PCDHA4: variants seen among roughly 807,000 people sequenced by gnomAD.
PCDHA4 encodes protocadherin alpha 4, also known as protocadherin alpha-4.
Under a neutral mutation model 61.4 loss-of-function variants are expected in PCDHA4, and 49 were observed. That is an observed-to-expected ratio of 0.80 (90% CI 0.63 to 1.01). The LOEUF (loss-of-function observed/expected upper bound fraction) is 1.01, where lower values mean the gene tolerates loss of function less well. PCDHA4 is among the 50% of genes least tolerant of loss of function. The pLI, the probability that PCDHA4 is intolerant of heterozygous loss-of-function variation, is 0.00. For missense variants in PCDHA4, 1,254 were observed against 1,235.8 expected, an observed-to-expected ratio of 1.01 and a Z score of -0.22; for synonymous variants, 590 against 550.3, an observed-to-expected ratio of 1.07 and a Z score of -1.01.
At chr5:141,000,900 G>T (rs1020896392) in intron 3 of PCDHA4, among the ~76,000 whole-genome samples, 4 of 151,614 alleles carry the variant, frequency 2.6e-5, no homozygotes, top group African/African-American at 9.7e-5. Context: ...AGATATAGAC[G>T]CTGTCTCTAA....
At chr5:140,997,566 T>G (rs1366934494) in intron 3 of PCDHA4, among the ~76,000 whole-genome samples, 1 of 152,208 alleles carries the variant, frequency 6.6e-6, no homozygotes, top group Non-Finnish European at 1.5e-5. Context: ...AACTGTCATA[T>G]GTGTGGTCCG....
At chr5:140,847,774 C>T (rs1554141905) in intron 1 of PCDHA4, 2 of 149,772 alleles carry the variant, frequency 1.3e-5, no homozygotes, top group East Asian at 3.9e-4. Context: ...AGTCAATTCT[C>T]GCTTTTCTTG....
Position 140,993,460 on chromosome 5 carries a change from T to TCC in PCDHA4, c.2533+10898_2533+10899insCC, listed in dbSNP as rs1554253699. ...TTCATTCCTGTTCTCCTTCTTTCTT[T>TCC]CTCACACACACACACACACACACAC... On this transcript the variant is annotated intron_variant, in intron 3 of 3. Coordinates refer to ENST00000530339, the MANE Select transcript of PCDHA4 (RefSeq NM_018907.4). Among the ~76,000 whole-genome samples, 535 of 104,558 alleles carry TCC rather than the reference T, an allele frequency of 5.1e-3. 5 individuals carry two copies. Among genetic ancestry groups the TCC allele is most frequent in the African/African-American group, 0.02 (517 of 25,554 alleles). The allele number at this position is 104,558 out of a possible 152,430, so 68.6% of individuals were successfully genotyped here. A position where few individuals can be genotyped will look rare whatever the true frequency, so the allele number is the denominator to read the frequency against.
chr5:140,978,175 G>A (rs1163383689), intron 1 of PCDHA4, among the ~76,000 whole-genome samples: 1 of 152,170 alleles, frequency 6.6e-6, no homozygotes, highest in Admixed American at 6.5e-5. Context: ...TTTGTAGAGA[G>A]AGGGCAACAG....
chr5:140,843,354 C>G, intron 1 of PCDHA4: 1 of 1,596,098 alleles, frequency 6.3e-7, no homozygotes, highest in East Asian at 2.2e-5. Context: ...GCTCCAAAAG[C>G]GTCATCGAGG....
chr5:140,971,642 A>G (rs1586490477), intron 1 of PCDHA4, among the ~76,000 whole-genome samples: 1 of 152,330 alleles, frequency 6.6e-6, no homozygotes, highest in East Asian at 1.9e-4. Flanking sequence ...ATGTGCCTAC[A>G]TTAAAAGTAG....
intron 2 of PCDHA4, among the ~76,000 whole-genome samples, chr5:140,980,920 A>T (rs1040099192): frequency 1.3e-5 from 2 of 152,166 alleles, no homozygotes; most frequent in African/African-American, 4.8e-5. Context: ...TCTTTAAAAA[A>T]TTCTGCTTTG....
chr5:140,829,369 C>G, intron 1 of PCDHA4: 1 of 1,614,202 alleles, frequency 6.2e-7, no homozygotes, highest in Non-Finnish European at 8.5e-7. Flanking sequence ...TGGTGGTAAC[C>G]GCGCGGGACG....
intron 1 of PCDHA4, among the ~76,000 whole-genome samples, chr5:140,923,834 T>G (rs2081542074): frequency 6.6e-6 from 1 of 152,210 alleles, no homozygotes; most frequent in South Asian, 2.1e-4. Flanking sequence ...AGTGGCAGTT[T>G]AAATAGAGAA....
At chr5:140,816,334 G>T (rs1055491269) in intron 1 of PCDHA4, 1 of 152,042 alleles carries the variant, frequency 6.6e-6, no homozygotes, top group African/African-American at 2.4e-5. Flanking sequence ...GTATTCTTCA[G>T]TTCCAAAATT....
chr5:140,986,753 A>C (rs2097211895), intron 3 of PCDHA4, among the ~76,000 whole-genome samples: 1 of 152,236 alleles, frequency 6.6e-6, no homozygotes, highest in Non-Finnish European at 1.5e-5. Flanking sequence ...CTGGGACTAA[A>C]CAGTGAAAGA....
At chr5:140,875,951 C>T in intron 1 of PCDHA4, 1 of 1,614,116 alleles carries the variant, frequency 6.2e-7, no homozygotes, top group South Asian at 1.1e-5. Context: ...GCTTCTGATG[C>T]GGATATCGGC....
intron 1 of PCDHA4, among the ~76,000 whole-genome samples, chr5:140,944,243 A>C (rs1202248629): frequency 2.6e-5 from 4 of 152,208 alleles, no homozygotes; most frequent in Non-Finnish European, 2.9e-5. Context: ...GCTGGAGTGC[A>C]GTGATGTGAT....
At chr5:140,854,296 G>T in intron 1 of PCDHA4, 4 of 437,926 alleles carry the variant, frequency 9.1e-6, no homozygotes, top group Non-Finnish European at 1.2e-5. Context: ...TTATTATTTT[G>T]TGCGTGGAGA....
At chr5:140,938,469 T>C (rs1172900934) in intron 1 of PCDHA4, among the ~76,000 whole-genome samples, 1 of 152,218 alleles carries the variant, frequency 6.6e-6, no homozygotes, top group South Asian at 2.1e-4. Flanking sequence ...TAATTTATTA[T>C]GTTTTTTAAA....
intron 1 of PCDHA4, among the ~76,000 whole-genome samples, chr5:140,952,723 A>G (rs979234260): frequency 6.6e-6 from 1 of 152,168 alleles, no homozygotes; most frequent in Non-Finnish European, 1.5e-5. Flanking sequence ...AATTTTCTGT[A>G]CTAGTCTTTT....
intron 3 of PCDHA4, among the ~76,000 whole-genome samples, chr5:141,005,619 G>A (rs996010701): frequency 6.8e-5 from 10 of 146,082 alleles, no homozygotes; most frequent in South Asian, 2.2e-4. Flanking sequence ...GGAGAATGGC[G>A]TGAACCCGGG....
At chr5:140,821,863 C>A (rs1268753327) in intron 1 of PCDHA4, 8 of 1,614,110 alleles carry the variant, frequency 5.0e-6, no homozygotes, top group Non-Finnish European at 5.1e-6. Flanking sequence ...GAGCGGCCAG[C>A]TCCACTACTC....
Position 140,944,942 on chromosome 5 carries a change from T to C in PCDHA4, c.2386-34007T>C, listed in dbSNP as rs564740183. Among the ~76,000 whole-genome samples the C allele has an allele frequency of 2.0e-4, 31 of 152,326 alleles. No individual in the cohort carries two copies. The South Asian group carries it at 3.7e-3, about 18-fold the overall frequency. On this transcript the variant is annotated intron_variant, in intron 1 of 3. Coordinates refer to ENST00000530339, the MANE Select transcript of PCDHA4 (RefSeq NM_018907.4). ...ATTGGTTTATGCCTTCTTTAGATGATTGTGAATAAGAGTATTATCTTAACC... is the reference window on the plus strand; with the variant it reads ...ATTGGTTTATGCCTTCTTTAGATGACTGTGAATAAGAGTATTATCTTAACC...
Sources: allele counts gnomAD v4.1 joint callset (sites outside exome capture counted in the v4.1 genomes callset), GRCh38; gene constraint gnomAD v4.1.1; transcripts MANE v1.5; gene names NCBI Gene and HGNC (gene_info 2026-07-23, HGNC 2026-07-21).